Variants in FDFT1 observed in about 807,000 individuals in gnomAD.
FDFT1 encodes the protein squalene synthase.
A neutral mutation model predicts 46.8 loss-of-function variants in FDFT1; 68 were observed. The observed-to-expected ratio is 1.45, with a 90% CI of 1.19 to 1.78. The LOEUF (loss-of-function observed/expected upper bound fraction) is 1.78. FDFT1 is among the 40% of genes most tolerant of loss of function. The pLI, the probability that FDFT1 is intolerant of heterozygous loss-of-function variation, is 0.00. For missense variants in FDFT1, 928 were observed against 524.4 expected, an observed-to-expected ratio of 1.77 and a Z score of -7.52; for synonymous variants, 351 against 185.1, an observed-to-expected ratio of 1.90 and a Z score of -7.28.
At chr8:11,825,906 C>A (rs771851527) in intron 4 of FDFT1, 118 bp from the exon 5 acceptor site, 5 of 542,600 alleles carry the variant, frequency 9.2e-6, no homozygotes, top group South Asian at 5.8e-5. Flanking sequence ...ATTTTAAAAT[C>A]AAAATGCATT....
chr8:11,833,007 A>T (rs553402966), intron 7 of FDFT1, among the ~76,000 whole-genome samples: 2 of 152,302 alleles, frequency 1.3e-5, no homozygotes, highest in East Asian at 3.9e-4. Flanking sequence ...CATATTGCAC[A>T]TTCTTCTTAT....
intron 3 of FDFT1, among the ~76,000 whole-genome samples, chr8:11,817,221 A>C (rs182762454): frequency 6.6e-6 from 1 of 152,344 alleles, no homozygotes; most frequent in South Asian, 2.1e-4. Context: ...GATGAAGCCG[A>C]CTTGATCGTG....
At chr8:11,825,993 A>ATT in intron 4 of FDFT1, 31 bp from the exon 5 acceptor site, 1 of 1,480,470 alleles carries the variant, frequency 6.8e-7, no homozygotes, top group Non-Finnish European at 9.1e-7. Flanking sequence ...AAATTCCATT[A>ATT]TTAAAGTGCT....
rs987579827 is a variant in FDFT1, at chr8:11,823,113, C to G, written c.510+1235C>G. 3.3e-5 allele frequency among the ~76,000 whole-genome samples: 5 copies of G among 152,074 alleles called. No individual in the cohort carries two copies. In the South Asian group the frequency reaches 8.3e-4, roughly 25 times the overall value. ...GTAACTACAGTGCATGACACCATACCAGGCTCATTTTTGTACATTTTTTGT... is the reference window on the plus strand; with the variant it reads ...GTAACTACAGTGCATGACACCATACGAGGCTCATTTTTGTACATTTTTTGT... On this transcript the variant is annotated intron_variant, in intron 4 of 7. Coordinates refer to ENST00000220584, the MANE Select transcript of FDFT1 (RefSeq NM_004462.5).
At chr8:11,831,877 G>C (rs1425578435) in intron 7 of FDFT1, 1 of 508,118 alleles carries the variant, frequency 2.0e-6, no homozygotes, top group Non-Finnish European at 3.5e-6. Flanking sequence ...ACCCTGGTGA[G>C]AGGAGATAAA....
chr8:11,808,183 C>G (rs1202223198), intron 1 of FDFT1: 3 of 944,396 alleles, frequency 3.2e-6, no homozygotes, highest in Admixed American at 5.2e-5. Context: ...GCGTTGAGTA[C>G]AAAGTCCAGG....
chr8:11,825,953 T>C (rs1257003090), intron 4 of FDFT1, 71 bp from the exon 5 acceptor site: 4 of 1,069,190 alleles, frequency 3.7e-6, no homozygotes, highest in Non-Finnish European at 5.1e-6. Context: ...TTTTTGTAGC[T>C]AATGATCTCT....
chr8:11,827,124 A>G (rs1013901231), intron 5 of FDFT1, among the ~76,000 whole-genome samples: 3 of 152,194 alleles, frequency 2.0e-5, no homozygotes, highest in Non-Finnish European at 2.9e-5. Flanking sequence ...TTATTCCAGC[A>G]TTTACCTTTT....
chr8:11,808,933 G>T (rs1338937464), intron 2 of FDFT1, 42 bp downstream of exon 2: 15 of 1,598,028 alleles, frequency 9.4e-6, no homozygotes, highest in Non-Finnish European at 1.1e-5. Flanking sequence ...AGGAAAGCTT[G>T]TCCGGGACCT....
chr8:11,833,887 A>G (rs1388128459), intron 7 of FDFT1, among the ~76,000 whole-genome samples: 2 of 152,268 alleles, frequency 1.3e-5, no homozygotes, highest in African/African-American at 2.4e-5. Context: ...ATTAATACTT[A>G]AGTTGATTTG....
intron 5 of FDFT1, among the ~76,000 whole-genome samples, chr8:11,829,860 G>C (rs913015303): frequency 6.7e-6 from 1 of 148,186 alleles, no homozygotes; most frequent in East Asian, 1.9e-4. Context: ...TTTTGTTTTT[G>C]TTTTTGTGAC....
intron 3 of FDFT1, among the ~76,000 whole-genome samples, chr8:11,820,771 C>T (rs147782401): frequency 1.7e-3 from 254 of 152,330 alleles, no homozygotes; most frequent in African/African-American, 5.9e-3. Flanking sequence ...GGTACAGTCA[C>T]TCACGCCTTT....
chr8:11,838,272 C>G, intron 7 of FDFT1, 116 bp from the exon 8 acceptor site: 1 of 780,890 alleles, frequency 1.3e-6, no homozygotes. Flanking sequence ...CTCTGAGCCT[C>G]CCTTTCCTCA....
chr8:11,828,675 CGGT>C (rs746050666), intron 5 of FDFT1, among the ~76,000 whole-genome samples: 13 of 152,224 alleles, frequency 8.5e-5, no homozygotes, highest in African/African-American at 1.2e-4. Flanking sequence ...TTCTACCACA[CGGT>C]GGTGGTGTGA....
intron 3 of FDFT1, among the ~76,000 whole-genome samples, chr8:11,814,514 C>T (rs1472728590): frequency 1.3e-5 from 2 of 152,128 alleles, no homozygotes; most frequent in Non-Finnish European, 2.9e-5. Flanking sequence ...AACCAAATCT[C>T]TTCACTGTTT....
intron 1 of FDFT1, among the ~76,000 whole-genome samples, chr8:11,805,232 C>G (rs1022409250): frequency 5.5e-4 from 84 of 152,238 alleles, no homozygotes; most frequent in African/African-American, 1.9e-3. Context: ...TCTCTGCAAA[C>G]TAGGGAAAAA....
At chr8:11,810,907 T>C (rs1399951216) in intron 3 of FDFT1, among the ~76,000 whole-genome samples, 1 of 137,888 alleles carries the variant, frequency 7.3e-6, no homozygotes, top group African/African-American at 2.7e-5. Context: ...GAATCTTTGA[T>C]TCTTGGGCAT....
intron 1 of FDFT1, among the ~76,000 whole-genome samples, chr8:11,806,076 G>A (rs1008834304): frequency 6.6e-6 from 1 of 152,288 alleles, no homozygotes; most frequent in South Asian, 2.1e-4. Flanking sequence ...GGAAGGCTCC[G>A]TGGAGGGCTG....
In FDFT1 at chr8:11,821,809, C is replaced by T. The variant is rs748676632; in HGVS notation, c.441C>T (p.Cys147=). Residue 147 remains cysteine, a synonymous_variant, in exon 4 of 8, where the codon TGC becomes TGT. Transcript: ENST00000220584. ...EKYQTVIADI[C]RRMGIGMAEF... ...ACCAAACAGTGATTGCCGACATTTGCCGGAGAATGGGCATTGGGATGGCAG... is the reference window on the plus strand; with the variant it reads ...ACCAAACAGTGATTGCCGACATTTGTCGGAGAATGGGCATTGGGATGGCAG... The T allele has an allele frequency of 7.4e-6, 12 of 1,613,532 alleles. No individual in the cohort carries two copies. The highest frequency in any genetic ancestry group is 1.0e-5 in the Non-Finnish European group (12 of 1,179,650).
Sources: allele counts gnomAD v4.1 joint callset (sites outside exome capture counted in the v4.1 genomes callset), GRCh38; gene constraint gnomAD v4.1.1; transcripts MANE v1.5; gene names NCBI Gene and HGNC (gene_info 2026-07-23, HGNC 2026-07-21).